The following SPAG17 variants were observed in gnomAD, a reference collection of about 807,000 sequenced individuals.
SPAG17 encodes the protein sperm-associated antigen 17.
SPAG17 carries 169 observed loss-of-function variants against 273.6 expected under a neutral mutation model. The observed-to-expected ratio is 0.62, with a 90% CI of 0.55 to 0.70. The LOEUF (loss-of-function observed/expected upper bound fraction) is 0.70. Among genes scored for constraint, SPAG17 ranks in the 30% least tolerant of loss-of-function variants. SPAG17 has a pLI of 0.00. For missense variants in SPAG17, 2,557 were observed against 2,627.8 expected (o/e 0.97, Z 0.59); for synonymous variants, 825 against 873.2 (o/e 0.94, Z 0.97).
intron 3 of SPAG17, among the ~76,000 whole-genome samples, chr1:118,133,469 A>C (rs1658169990): frequency 6.6e-6 from 1 of 152,130 alleles, no homozygotes; most frequent in African/African-American, 2.4e-5. Flanking sequence ...CCTAATCCCC[A>C]TCATGGTGGC....
chr1:118,005,515 G>A lies in SPAG17; in HGVS notation c.4675C>T (p.Pro1559Ser). 1.2e-6 allele frequency: 2 copies of A among 1,613,390 alleles called. No individual in the cohort carries two copies. Among genetic ancestry groups the A allele is most frequent in the Non-Finnish European group, 8.5e-7 (1 of 1,179,628 alleles). Residue 1559 changes from proline to serine, a missense_variant, in exon 32 of 49, where the codon CCT becomes TCT. Physicochemically the swap from Pro to Ser is moderately conservative, Grantham distance 74 (BLOSUM62 -1). Transcript: ENST00000336338. The stretch of plus-strand genomic sequence containing the variant: ...CGCAGCTGCTCACGCTTTTGAAAAG[G>A]ATAGTATATATTACTGCTTGACTCA... ...CHESSSNIYY[P>S]FQKREQLRAG...
At chr1:118,020,980 T>C (rs1053713677) in intron 28 of SPAG17, among the ~76,000 whole-genome samples, 13 of 152,148 alleles carry the variant, frequency 8.5e-5, no homozygotes, top group African/African-American at 2.9e-4. Context: ...AATGGCAGAG[T>C]TGAGTAGTTG....
intron 10 of SPAG17, among the ~76,000 whole-genome samples, chr1:118,089,206 A>G (rs1655207566): frequency 6.6e-6 from 1 of 152,250 alleles, no homozygotes; most frequent in South Asian, 2.1e-4. Context: ...CTCTCTAAGG[A>G]TTGACACTTC....
At chr1:117,963,203 G>T (rs1462344648) in intron 48 of SPAG17, 1 of 152,152 alleles carries the variant, frequency 6.6e-6, no homozygotes, top group Non-Finnish European at 1.5e-5. Context: ...TGAGTATGGG[G>T]TCGGACCTAG....
At chr1:118,119,949 T>A (rs1657324261) in intron 3 of SPAG17, among the ~76,000 whole-genome samples, 1 of 152,238 alleles carries the variant, frequency 6.6e-6, no homozygotes, top group Non-Finnish European at 1.5e-5. Flanking sequence ...ATATGGTTTT[T>A]AATAAATAGC....
intron 2 of SPAG17, 105 bp downstream of exon 2, chr1:118,151,124 A>C: frequency 1.9e-6 from 2 of 1,032,240 alleles, no homozygotes; most frequent in Non-Finnish European, 2.5e-6. Context: ...ATCCATCAAA[A>C]TTTACAAAAC....
chr1:118,079,818 G>T (rs1054736182), intron 15 of SPAG17, among the ~76,000 whole-genome samples: 2 of 151,880 alleles, frequency 1.3e-5, no homozygotes, highest in African/African-American at 4.8e-5. Flanking sequence ...TTATCATTTG[G>T]TTTGAAATAT....
intron 20 of SPAG17, among the ~76,000 whole-genome samples, chr1:118,052,430 T>C (rs1244603273): frequency 1.3e-5 from 2 of 151,662 alleles, no homozygotes; most frequent in African/African-American, 4.8e-5. Flanking sequence ...GGTCAAGGGA[T>C]GTGAAATTTC....
intron 3 of SPAG17, among the ~76,000 whole-genome samples, chr1:118,119,696 G>C (rs1035020454): frequency 6.6e-6 from 1 of 152,162 alleles, no homozygotes; most frequent in Non-Finnish European, 1.5e-5. Flanking sequence ...CTAGCACAAG[G>C]CTGGGCAAAC....
chr1:118,107,504 C>A (rs1558018245), intron 4 of SPAG17, among the ~76,000 whole-genome samples: 1 of 152,056 alleles, frequency 6.6e-6, no homozygotes, highest in Non-Finnish European at 1.5e-5. Flanking sequence ...TATTTACCTC[C>A]CCCACCTTCG....
Position 117,963,884 on chromosome 1 carries a change from T to C in SPAG17, c.6587A>G (p.Lys2196Arg), listed in dbSNP as rs2101406730. The C allele has an allele frequency of 6.2e-7, 1 of 1,614,022 alleles. No individual in the cohort carries two copies. Among genetic ancestry groups the C allele is most frequent in the East Asian group, 2.2e-5 (1 of 44,872 alleles). The change falls in exon 48 of 49, where the codon AAA becomes AGA. Residue 2196 changes from lysine (K) to arginine (R), a missense_variant. Physicochemically the swap from Lys to Arg is conservative, Grantham distance 26. Coordinates refer to ENST00000336338, the MANE Select transcript of SPAG17 (RefSeq NM_206996.4). Reference protein sequence around the residue: ...DKRPKDFPQGKENPMVQRTST... With the variant: ...DKRPKDFPQGRENPMVQRTST... ...AGTTCTCTGGACCATTGGATTTTCTTTTCCCTGGGGAAAGTCTTTTGGTCG... is the reference window on the plus strand; with the variant it reads ...AGTTCTCTGGACCATTGGATTTTCTCTTCCCTGGGGAAAGTCTTTTGGTCG...
intron 18 of SPAG17, among the ~76,000 whole-genome samples, chr1:118,065,958 T>A (rs529164478): frequency 1.3e-5 from 2 of 152,114 alleles, no homozygotes; most frequent in Non-Finnish European, 2.9e-5. Context: ...AATGCGTAAT[T>A]ATTGTTAACG....
At chr1:117,971,494 T>C (rs1235596130) in intron 45 of SPAG17, among the ~76,000 whole-genome samples, 2 of 152,234 alleles carry the variant, frequency 1.3e-5, no homozygotes, top group Non-Finnish European at 2.9e-5. Context: ...GCTAGTATTA[T>C]TATAGTTAGT....
intron 29 of SPAG17, 91 bp from the exon 30 acceptor site, chr1:118,012,463 A>G: frequency 7.1e-7 from 1 of 1,400,324 alleles, no homozygotes; most frequent in Non-Finnish European, 9.7e-7. Context: ...AGATGGCACC[A>G]TCAAAGTCCT....
In SPAG17 at chr1:118,166,904, T is replaced by C. The variant is rs1660194907; in HGVS notation, c.88-15535A>G. Among the ~76,000 whole-genome samples, 3 of 152,336 alleles carry C rather than the reference T, an allele frequency of 2.0e-5. No homozygotes were observed. In the South Asian group the frequency reaches 6.2e-4, roughly 32 times the overall value. On this transcript the variant is annotated intron_variant, in intron 1 of 48. Transcript: ENST00000336338. ...TTTCTTATTTCAGTAGACAAATGCT[T>C]TGACAAAGTCAGGACCATAAATCTA...
At chr1:118,012,618 T>C (rs1339737861) in intron 29 of SPAG17, among the ~76,000 whole-genome samples, 2 of 152,236 alleles carry the variant, frequency 1.3e-5, no homozygotes, top group African/African-American at 4.8e-5. Context: ...AGCAAGTAAG[T>C]ATCAGGGCAT....
chr1:117,966,576 A>C (rs200707264), intron 47 of SPAG17, 33 bp downstream of exon 47: 708 of 1,570,156 alleles, frequency 4.5e-4, no homozygotes, highest in South Asian at 5.8e-4. Flanking sequence ...TCTGCACTAT[A>C]TATGATTACT....
intron 1 of SPAG17, among the ~76,000 whole-genome samples, chr1:118,160,806 C>T (rs1205013309): frequency 6.6e-6 from 1 of 152,138 alleles, no homozygotes; most frequent in Non-Finnish European, 1.5e-5. Flanking sequence ...TTTAGGTCTA[C>T]AAATATGGTC....
chr1:118,158,665 C>A (rs1271355824), intron 1 of SPAG17, among the ~76,000 whole-genome samples: 4 of 152,170 alleles, frequency 2.6e-5, no homozygotes, highest in Non-Finnish European at 5.9e-5. Context: ...CTTCACAGGG[C>A]TCATTACAGA....
Sources: gnomAD v4.1 joint callset for allele counts (sites outside exome capture counted in the v4.1 genomes callset) on GRCh38, gnomAD v4.1.1 for gene constraint, MANE v1.5 for transcripts, NCBI Gene and HGNC (gene_info 2026-07-23, HGNC 2026-07-21) for gene names.